The following NPAS3 variants were observed in gnomAD, a reference collection of about 807,000 sequenced individuals.
NPAS3 encodes neuronal PAS domain protein 3.
A neutral mutation model predicts 73.1 loss-of-function variants in NPAS3; 14 were observed. That is an observed-to-expected ratio of 0.19 (90% CI 0.13 to 0.30). NPAS3 has a LOEUF of 0.30. Among genes scored for constraint, NPAS3 ranks in the 10% least tolerant of loss-of-function variants. The pLI is 1.00. For missense variants in NPAS3, 1,096 were observed against 1,250.0 expected, an observed-to-expected ratio of 0.88 and a Z score of 1.86; for synonymous variants, 620 against 541.5, an observed-to-expected ratio of 1.14 and a Z score of -2.01.
chr14:33,105,263 T>C (rs113266336), intron 2 of NPAS3, among the ~76,000 whole-genome samples: 35 of 152,316 alleles, frequency 2.3e-4, no homozygotes, highest in African/African-American at 8.2e-4. Context: ...CTTAATATAT[T>C]TCTTCCAAGG....
chr14:33,601,928 A>T (rs1194542376), intron 5 of NPAS3, among the ~76,000 whole-genome samples: 4 of 152,192 alleles, frequency 2.6e-5, no homozygotes, highest in Admixed American at 6.5e-5. Context: ...TATTATTTAA[A>T]AACTGATTTC....
At chr14:33,359,318 T>C (rs1594764860) in intron 3 of NPAS3, among the ~76,000 whole-genome samples, 1 of 152,232 alleles carries the variant, frequency 6.6e-6, no homozygotes, top group East Asian at 1.9e-4. Context: ...GTAATAAGGT[T>C]GTGCCTGACT....
At chr14:32,970,980 G>A (rs1055283990) in intron 1 of NPAS3, among the ~76,000 whole-genome samples, 1 of 151,954 alleles carries the variant, frequency 6.6e-6, no homozygotes, top group African/African-American at 2.4e-5. Context: ...CCTACCCAGG[G>A]TGTTATTACC....
chr14:33,024,413 G>A (rs1319985456), intron 1 of NPAS3, among the ~76,000 whole-genome samples: 3 of 151,890 alleles, frequency 2.0e-5, no homozygotes, highest in East Asian at 1.9e-4. Flanking sequence ...CTCATGATCC[G>A]CCTGCCTCGG....
Position 33,800,656 on chromosome 14 carries a change from C to A in NPAS3, c.2349C>A (p.Ser783=). Residue 783 remains serine, a synonymous_variant, in exon 12 of 12, where the codon TCC becomes TCA. Transcript: ENST00000356141. The surrounding 1 kb of genome is among the most constrained non-coding windows in gnomAD (Gnocchi z 6.5). ...GCGGCGGCCCCAGCGCGTCCAACTC[C>A]TTGCTGTACACTGGGGACCTGGAGG... 1 of 1,529,312 alleles carries A rather than the reference C, an allele frequency of 6.5e-7. No homozygotes were observed. Among genetic ancestry groups the A allele is most frequent in the Middle Eastern group, 2.3e-4 (1 of 4,314 alleles). 94.7% of individuals were successfully genotyped at this position (1,529,312 alleles called of 1,614,324 possible).
intron 2 of NPAS3, among the ~76,000 whole-genome samples, chr14:33,127,152 A>G (rs932723203): frequency 6.6e-6 from 1 of 151,088 alleles, no homozygotes; most frequent in African/African-American, 2.4e-5. Context: ...CTTTATACAC[A>G]TTACATCCTC....
intron 5 of NPAS3, among the ~76,000 whole-genome samples, chr14:33,647,233 A>C (rs897827574): frequency 1.3e-5 from 2 of 151,770 alleles, no homozygotes; most frequent in African/African-American, 4.8e-5. Flanking sequence ...CACAGTAAGC[A>C]ATTTCATACA....
intron 1 of NPAS3, among the ~76,000 whole-genome samples, chr14:32,999,335 C>A (rs1054355090): frequency 6.6e-6 from 1 of 152,014 alleles, no homozygotes; most frequent in African/African-American, 2.4e-5. Flanking sequence ...CACGGTGAAA[C>A]CCCATCTCTA....
intron 5 of NPAS3, among the ~76,000 whole-genome samples, chr14:33,564,984 C>G (rs187122704): frequency 6.6e-6 from 1 of 152,122 alleles, no homozygotes; most frequent in Non-Finnish European, 1.5e-5. Context: ...AGTCACTTCC[C>G]TTTTTCTCAC....
In NPAS3 at chr14:32,955,081, G is replaced by A. The variant is rs1198185418; in HGVS notation, c.50+15715G>A. ...CACACTTTTGTATGTACCATAAGTT[G>A]TTATTGTAGCTCACTTAAAAGGCTT... On this transcript the variant is annotated intron_variant, in intron 1 of 11. Transcript: ENST00000356141. Among the ~76,000 whole-genome samples the A allele has an allele frequency of 2.6e-5, 4 of 152,044 alleles. No homozygotes were observed. In the East Asian group the frequency reaches 7.7e-4, roughly 29 times the overall value.
At chr14:33,726,348 A>G (rs536791386) in intron 6 of NPAS3, among the ~76,000 whole-genome samples, 3 of 152,284 alleles carry the variant, frequency 2.0e-5, no homozygotes, top group Admixed American at 6.5e-5. Flanking sequence ...AAATCACTCA[A>G]TCTTGGACAA....
intron 3 of NPAS3, among the ~76,000 whole-genome samples, chr14:33,262,628 T>C (rs1879401459): frequency 1.3e-5 from 2 of 152,222 alleles, no homozygotes. Context: ...TTTTAAATTG[T>C]AGATTCATCA....
chr14:32,997,651 G>A (rs557847008), intron 1 of NPAS3, among the ~76,000 whole-genome samples: 16 of 152,008 alleles, frequency 1.1e-4, no homozygotes, highest in East Asian at 5.8e-4. Flanking sequence ...GCGGCTGGGC[G>A]CAGTGGCTCA....
chr14:33,063,761 G>T (rs1322502028), intron 2 of NPAS3, among the ~76,000 whole-genome samples: 1 of 152,152 alleles, frequency 6.6e-6, no homozygotes, highest in Admixed American at 6.5e-5. Flanking sequence ...TCTGACTTCA[G>T]AACCTAAGGT....
chr14:33,068,795 A>G (rs1315549757), intron 2 of NPAS3, among the ~76,000 whole-genome samples: 1 of 152,168 alleles, frequency 6.6e-6, no homozygotes, highest in African/African-American at 2.4e-5. Context: ...AGGCGAAAAC[A>G]TTCCAGGTAG....
chr14:33,332,456 T>A (rs908794279), intron 3 of NPAS3, among the ~76,000 whole-genome samples: 1 of 152,022 alleles, frequency 6.6e-6, no homozygotes, highest in Non-Finnish European at 1.5e-5. Flanking sequence ...ACTTCATGAG[T>A]TTTAGGGGAA....
Position 33,692,898 on chromosome 14 carries a change from A to T in NPAS3, c.733+16513A>T, listed in dbSNP as rs1272743724. 3.3e-5 allele frequency among the ~76,000 whole-genome samples: 5 copies of T among 150,830 alleles called. No individual in the cohort carries two copies. The East Asian group carries it at 9.9e-4, about 30-fold the overall frequency. Reference sequence around the variant, plus strand: ...TAATTTGCGTAGACTTTATCGTAGCAAAATATCAGCAGTGCCCAGAATAAC... The same window carrying T: ...TAATTTGCGTAGACTTTATCGTAGCTAAATATCAGCAGTGCCCAGAATAAC... On this transcript the variant is annotated intron_variant, in intron 6 of 11. Transcript: ENST00000356141.
At chr14:33,784,821 G>A (rs991233611) in intron 9 of NPAS3, among the ~76,000 whole-genome samples, 5 of 137,208 alleles carry the variant, frequency 3.6e-5, no homozygotes, top group African/African-American at 1.4e-4. Flanking sequence ...CACGATCTCG[G>A]CTCACCACAA....
chr14:33,800,659 G>T lies in NPAS3; in HGVS notation c.2352G>T (p.Leu784Phe). The T allele has an allele frequency of 1.3e-6, 2 of 1,539,954 alleles. No homozygotes were observed. The highest frequency in any genetic ancestry group is 2.0e-5 in the Admixed American group (1 of 50,336). ...GCGGCCCCAGCGCGTCCAACTCCTT[G>T]CTGTACACTGGGGACCTGGAGGCGC... The change falls in exon 12 of 12, where the codon TTG (leucine) becomes TTT (phenylalanine). Residue 784 changes from leucine (L) to phenylalanine (F), a missense_variant. Around this residue, in one of 5 missense-constraint regions of NPAS3, gnomAD observed 698 missense variants for 676.7 expected, o/e 1.03. Transcript: ENST00000356141. This position sits in a 1 kb window ranked among gnomAD's most constrained non-coding sequence, Gnocchi z 6.5.
Sources: allele counts gnomAD v4.1 joint callset (sites outside exome capture counted in the v4.1 genomes callset), GRCh38; gene constraint gnomAD v4.1.1; regional missense constraint gnomAD v4.1.1; non-coding constraint Gnocchi (gnomAD v3.1); transcripts MANE v1.5; gene names NCBI Gene and HGNC (gene_info 2026-07-23, HGNC 2026-07-21).